RSPO2: variants seen among roughly 807,000 people sequenced by gnomAD.
RSPO2 encodes the protein R-spondin-2.
RSPO2 carries 14 observed loss-of-function variants against 30.9 expected under a neutral mutation model. That is an observed-to-expected ratio of 0.45 (90% CI 0.30 to 0.71). The LOEUF is 0.71. Among genes scored for constraint, RSPO2 ranks in the 30% least tolerant of loss-of-function variants. The pLI, the probability that RSPO2 is intolerant of heterozygous loss-of-function variation, is 0.08. For synonymous variants in RSPO2, 107 were observed against 96.4 expected, an observed-to-expected ratio of 1.11 and a Z score of -0.64; for missense variants, 264 against 301.9, an observed-to-expected ratio of 0.87 and a Z score of 0.93.
chr8:108,033,556 C>G (rs535737277), intron 2 of RSPO2, among the ~76,000 whole-genome samples: 1 of 152,044 alleles, frequency 6.6e-6, no homozygotes, highest in Non-Finnish European at 1.5e-5. Context: ...ATTCAATTAC[C>G]CCAGAGACTG....
intron 2 of RSPO2, among the ~76,000 whole-genome samples, chr8:108,021,296 A>C (rs1257303909): frequency 2.0e-5 from 3 of 152,208 alleles, no homozygotes; most frequent in African/African-American, 7.2e-5. Context: ...TGGGATATGT[A>C]AATAAATGAA....
At chr8:108,049,032 G>A (rs1265556040) in intron 2 of RSPO2, among the ~76,000 whole-genome samples, 6 of 151,886 alleles carry the variant, frequency 4.0e-5, no homozygotes, top group African/African-American at 1.2e-4. Context: ...TGGTCTGAGA[G>A]ACAGTTTGTT....
chr8:107,956,721 T>A (rs1813445755), intron 5 of RSPO2, among the ~76,000 whole-genome samples: 3 of 152,184 alleles, frequency 2.0e-5, no homozygotes, highest in South Asian at 4.1e-4. Flanking sequence ...GGAAGAGGAA[T>A]GGGGGAGGGG....
intron 2 of RSPO2, among the ~76,000 whole-genome samples, chr8:108,051,915 A>G (rs1414453845): frequency 6.6e-6 from 1 of 152,182 alleles, no homozygotes; most frequent in Non-Finnish European, 1.5e-5. Context: ...AGGGTGGTGG[A>G]GGCAGGGGCA....
At chr8:107,948,597 C>T (rs1277997740) in intron 5 of RSPO2, among the ~76,000 whole-genome samples, 2 of 152,154 alleles carry the variant, frequency 1.3e-5, no homozygotes, top group African/African-American at 4.8e-5. Context: ...TATGCAACTC[C>T]TGACCTTATT....
At chr8:108,035,629 C>T (rs1002800173) in intron 2 of RSPO2, among the ~76,000 whole-genome samples, 1 of 152,148 alleles carries the variant, frequency 6.6e-6, no homozygotes, top group African/African-American at 2.4e-5. Flanking sequence ...CGCCACCATG[C>T]CCGGCTAATT....
chr8:108,057,252 T>C (rs1229456391), intron 2 of RSPO2, among the ~76,000 whole-genome samples: 1 of 151,950 alleles, frequency 6.6e-6, no homozygotes, highest in Non-Finnish European at 1.5e-5. Flanking sequence ...TCAGTAAGAA[T>C]ATATACTTAT....
chr8:107,972,871 G>A (rs912600881), intron 3 of RSPO2, among the ~76,000 whole-genome samples: 1 of 152,148 alleles, frequency 6.6e-6, no homozygotes, highest in African/African-American at 2.4e-5. Flanking sequence ...TTCCAATCCA[G>A]TGTTCTTTTA....
At chr8:108,037,422 T>C (rs1460287682) in intron 2 of RSPO2, among the ~76,000 whole-genome samples, 1 of 152,200 alleles carries the variant, frequency 6.6e-6, no homozygotes, top group Non-Finnish European at 1.5e-5. Flanking sequence ...AATTTGAAGC[T>C]AGCAGAGGTT....
chr8:108,035,323 C>T (rs1811555846), intron 2 of RSPO2, among the ~76,000 whole-genome samples: 1 of 152,202 alleles, frequency 6.6e-6, no homozygotes, highest in Non-Finnish European at 1.5e-5. Context: ...GGTTTTCTTA[C>T]TGTGTTTAGT....
chr8:108,067,740 C>G (rs940506864), intron 2 of RSPO2, among the ~76,000 whole-genome samples: 29 of 152,176 alleles, frequency 1.9e-4, no homozygotes, highest in African/African-American at 7.0e-4. Flanking sequence ...TGAGATTTCA[C>G]TAATGCTCCA....
At chr8:107,907,488 T>C (rs907544065) in intron 5 of RSPO2, among the ~76,000 whole-genome samples, 1 of 152,102 alleles carries the variant, frequency 6.6e-6, no homozygotes, top group East Asian at 1.9e-4. Context: ...TACTTGAATG[T>C]CAAGTAGTAA....
intron 5 of RSPO2, among the ~76,000 whole-genome samples, chr8:107,952,522 A>C (rs1219948651): frequency 6.6e-6 from 1 of 152,132 alleles, no homozygotes; most frequent in African/African-American, 2.4e-5. Flanking sequence ...ACAAACTCTA[A>C]AAGAAAAGAG....
chr8:107,943,420 C>T (rs935486942), intron 5 of RSPO2, among the ~76,000 whole-genome samples: 1 of 152,196 alleles, frequency 6.6e-6, no homozygotes, highest in African/African-American at 2.4e-5. Flanking sequence ...CTTGCTTGAA[C>T]TCCTTTGAGC....
At chr8:108,037,393 G>T (rs1811629727) in intron 2 of RSPO2, among the ~76,000 whole-genome samples, 1 of 152,170 alleles carries the variant, frequency 6.6e-6, no homozygotes, top group South Asian at 2.1e-4. Context: ...TGAGAGAGAT[G>T]AGGAAGCTGC....
rs562390140 is a variant in RSPO2 at position 107,983,728 on chromosome 8, G to A, written c.283+5328C>T. 7.5e-6 allele frequency: 12 copies of A among 1,594,434 alleles called. No homozygotes were observed. The Admixed American group carries it at 1.4e-4, about 18-fold the overall frequency. ...TAACAACTAAAGGCTGAAAAGGCCA[G>A]ACTTCTAAAAGGTCCAATAGAAAAG... is the stretch of plus-strand genomic sequence containing the variant. On this transcript the variant is annotated intron_variant, in intron 3 of 5. Transcript: ENST00000276659.
At chr8:107,925,682 G>A (rs1812343842) in intron 5 of RSPO2, among the ~76,000 whole-genome samples, 1 of 151,632 alleles carries the variant, frequency 6.6e-6, no homozygotes, top group East Asian at 1.9e-4. Context: ...GCAATAGTTT[G>A]CTGAGAATGA....
intron 5 of RSPO2, among the ~76,000 whole-genome samples, chr8:107,914,632 TA>T (rs796899262): frequency 9.3e-4 from 142 of 152,196 alleles, no homozygotes; most frequent in African/African-American, 3.1e-3. Context: ...AGAACAGATG[TA>T]AAAAAACCTT....
intron 2 of RSPO2, among the ~76,000 whole-genome samples, chr8:107,998,671 T>A (rs988871823): frequency 6.6e-6 from 1 of 152,088 alleles, no homozygotes; most frequent in Non-Finnish European, 1.5e-5. Context: ...TATATTAACA[T>A]AAATTTAATC....
Sources: allele counts gnomAD v4.1 joint callset (sites outside exome capture counted in the v4.1 genomes callset), GRCh38; gene constraint gnomAD v4.1.1; transcripts MANE v1.5; gene names NCBI Gene and HGNC (gene_info 2026-07-23, HGNC 2026-07-21).